PRDM16: variants seen among roughly 807,000 people sequenced by gnomAD.
The protein encoded by PRDM16 is PR/SET domain 16, also known as histone-lysine N-methyltransferase PRDM16.
PRDM16 carries 23 observed loss-of-function variants against 110.6 expected under a neutral mutation model. The ratio of observed to expected loss-of-function variants is 0.21; its 90% confidence interval spans 0.15 to 0.29. The LOEUF is 0.29. Among genes scored for constraint, PRDM16 ranks in the 10% least tolerant of loss-of-function variants. The pLI, the probability that PRDM16 is intolerant of heterozygous loss-of-function variation, is 1.00. For missense variants in PRDM16, 1,615 were observed against 1,794.3 expected, an observed-to-expected ratio of 0.90 and a Z score of 1.81; for synonymous variants, 799 against 781.8, an observed-to-expected ratio of 1.02 and a Z score of -0.37.
At chr1:3,277,773 A>G (rs1557576433) in intron 3 of PRDM16, among the ~76,000 whole-genome samples, 4 of 145,334 alleles carry the variant, frequency 2.8e-5, no homozygotes, top group Non-Finnish European at 6.0e-5. Context: ...ACGCGCACAC[A>G]CACGCACACA....
Position 3,240,778 on chromosome 1 carries a change from C to CT in PRDM16, c.388-3304dup, listed in dbSNP as rs1557551474. Among the ~76,000 whole-genome samples, 13 of 152,340 alleles carry CT rather than the reference C, an allele frequency of 8.5e-5. No individual in the cohort carries two copies. In the South Asian group the frequency reaches 2.7e-3, roughly 32 times the overall value. On this transcript the variant is annotated intron_variant, in intron 2 of 16. Coordinates refer to ENST00000270722, the MANE Select transcript of PRDM16 (RefSeq NM_022114.4). Reference sequence around the variant, plus strand: ...TCTGCGTACGTGGCCTCTTTGCTGACTTTTTGGAGAACAGAGGGTATTTAT... The same window carrying CT: ...TCTGCGTACGTGGCCTCTTTGCTGACTTTTTTGGAGAACAGAGGGTATTTAT...
Position 3,370,666 on chromosome 1 carries a change from C to T in PRDM16, c.439-14486C>T, listed in dbSNP as rs1642889658. Among the ~76,000 whole-genome samples, 1 of 152,136 alleles carries T rather than the reference C, an allele frequency of 6.6e-6. No homozygotes were observed. Among genetic ancestry groups the T allele is most frequent in the Non-Finnish European group, 1.5e-5 (1 of 68,014 alleles). ...GATGTGAGGGACCAGGGCAGGCTTC[C>T]CAGGAGAGGTGTCCTGTGCTCTGCC... On this transcript the variant is annotated intron_variant, in intron 3 of 16. Transcript: ENST00000270722. The surrounding 1 kb of genome is among the most constrained non-coding windows in gnomAD (Gnocchi z 4.8).
chr1:3,250,696 CA>C (rs1266417173), intron 3 of PRDM16, among the ~76,000 whole-genome samples: 12 of 152,204 alleles, frequency 7.9e-5, no homozygotes, highest in African/African-American at 2.7e-4. Context: ...CCTGAGGGTG[CA>C]GGGGGCTCAG....
chr1:3,197,672 C>T (rs180863483), intron 2 of PRDM16, among the ~76,000 whole-genome samples: 7 of 152,330 alleles, frequency 4.6e-5, no homozygotes, highest in East Asian at 3.9e-4. Flanking sequence ...CAGCAGGCTT[C>T]GCAGGGAGCA....
intron 3 of PRDM16, among the ~76,000 whole-genome samples, chr1:3,311,215 G>A (rs1235986530): frequency 6.6e-6 from 1 of 152,228 alleles, no homozygotes; most frequent in Non-Finnish European, 1.5e-5. Context: ...GAGCTCTCCT[G>A]CAGTGGCCGC....
chr1:3,383,715 C>A (rs55693725), intron 3 of PRDM16, among the ~76,000 whole-genome samples: 17,385 of 152,086 alleles, frequency 0.11, 1,031 homozygotes, highest in Non-Finnish European at 0.14. Flanking sequence ...ATCTGAGGTG[C>A]CCAGAGTCAG....
At chr1:3,228,211 C>T (rs191286150) in intron 2 of PRDM16, among the ~76,000 whole-genome samples, 63 of 152,310 alleles carry the variant, frequency 4.1e-4, no homozygotes, top group Middle Eastern at 3.4e-3. Flanking sequence ...AAGCATTTTC[C>T]AGAAAAGAGA....
intron 2 of PRDM16, among the ~76,000 whole-genome samples, chr1:3,191,121 G>A (rs902707197): frequency 6.6e-6 from 1 of 152,252 alleles, no homozygotes; most frequent in Non-Finnish European, 1.5e-5. Flanking sequence ...CAGCGGCCCT[G>A]CCTGTAATCA....
intron 1 of PRDM16, among the ~76,000 whole-genome samples, chr1:3,144,595 A>G (rs1454001977): frequency 6.6e-6 from 1 of 152,150 alleles, no homozygotes; most frequent in Non-Finnish European, 1.5e-5. Flanking sequence ...TGTACCTGCC[A>G]GTTGTAGACC....
intron 2 of PRDM16, among the ~76,000 whole-genome samples, chr1:3,238,982 C>T (rs2249319): frequency 0.11 from 17,367 of 152,142 alleles, 1,160 homozygotes; most frequent in African/African-American, 0.2. Flanking sequence ...GGAGGAGGTC[C>T]GCGTCTGCGG....
intron 1 of PRDM16, among the ~76,000 whole-genome samples, chr1:3,151,307 G>T (rs1643771878): frequency 6.6e-6 from 1 of 152,228 alleles, no homozygotes; most frequent in Admixed American, 6.5e-5. Flanking sequence ...GACGAGCAGG[G>T]TCCTTTTCGG....
At chr1:3,114,392 A>C in intron 1 of PRDM16, among the ~76,000 whole-genome samples, 1 of 139,794 alleles carries the variant, frequency 7.2e-6, no homozygotes. Flanking sequence ...ACAGACGCGC[A>C]CGCACGCGCA....
chr1:3,354,681 A>G (rs1642558758), intron 3 of PRDM16, among the ~76,000 whole-genome samples: 2 of 151,946 alleles, frequency 1.3e-5, no homozygotes, highest in Non-Finnish European at 2.9e-5. Flanking sequence ...TTCCATTTCT[A>G]TTGGATAATT....
intron 3 of PRDM16, among the ~76,000 whole-genome samples, chr1:3,249,517 T>C (rs1639875950): frequency 6.6e-6 from 1 of 151,192 alleles, no homozygotes; most frequent in Non-Finnish European, 1.5e-5. Context: ...TAAACTGCAG[T>C]TTACCTACCC....
chr1:3,322,670 C>A (rs951986763), intron 3 of PRDM16, among the ~76,000 whole-genome samples: 8 of 152,188 alleles, frequency 5.3e-5, no homozygotes, highest in Non-Finnish European at 7.4e-5. Context: ...ATGCTGGGGT[C>A]CTTAGAGCTG....
At chr1:3,362,299 C>T (rs941686353) in intron 3 of PRDM16, among the ~76,000 whole-genome samples, 4 of 151,698 alleles carry the variant, frequency 2.6e-5, no homozygotes, top group Admixed American at 1.3e-4. Flanking sequence ...ATAGCGGGCA[C>T]GTGGTGTGTA....
At chr1:3,399,947 G>A (rs928980192) in intron 5 of PRDM16, among the ~76,000 whole-genome samples, 3 of 152,156 alleles carry the variant, frequency 2.0e-5, no homozygotes, top group East Asian at 1.9e-4. Context: ...CCAGGTCTGC[G>A]GGTTGGCTGT....
At chr1:3,354,939 G>A (rs140980954) in intron 3 of PRDM16, among the ~76,000 whole-genome samples, 3 of 152,314 alleles carry the variant, frequency 2.0e-5, no homozygotes, top group South Asian at 2.1e-4. Context: ...ACCTGCTGAA[G>A]GGAGTGGGGT....
At chr1:3,193,736 C>T (rs905506161) in intron 2 of PRDM16, among the ~76,000 whole-genome samples, 1 of 152,174 alleles carries the variant, frequency 6.6e-6, no homozygotes, top group Non-Finnish European at 1.5e-5. Context: ...AGTGCCCCTC[C>T]CACATGTCGG....
Sources: allele counts gnomAD v4.1 joint callset (sites outside exome capture counted in the v4.1 genomes callset), GRCh38; gene constraint gnomAD v4.1.1; non-coding constraint Gnocchi (gnomAD v3.1); transcripts MANE v1.5; gene names NCBI Gene and HGNC (gene_info 2026-07-23, HGNC 2026-07-21).